The following URGCP variants were observed in gnomAD, a reference collection of about 807,000 sequenced individuals.
URGCP encodes the protein upregulator of cell proliferation.
A neutral mutation model predicts 24.6 loss-of-function variants in URGCP; 13 were observed. That is an observed-to-expected ratio of 0.53 (90% confidence interval 0.34 to 0.84). The LOEUF is 0.84. URGCP is among the 40% of genes least tolerant of loss of function. The pLI, the probability that URGCP is intolerant of heterozygous loss-of-function variation, is 0.01. For missense variants in URGCP, 899 were observed against 1,194.3 expected (o/e 0.75, Z 3.64); for synonymous variants, 444 against 487.2 (o/e 0.91, Z 1.17).
upstream of URGCP, among the ~76,000 whole-genome samples, chr7:43,908,766 A>G (rs1349986704): frequency 6.6e-6 from 1 of 152,166 alleles, no homozygotes. Context: ...GATGGTCTAC[A>G]AGCTTCTGAA....
chr7:43,900,040 G>C (rs1006547493), intron 1 of URGCP, among the ~76,000 whole-genome samples: 1 of 152,102 alleles, frequency 6.6e-6, no homozygotes, highest in African/African-American at 2.4e-5. Flanking sequence ...AGCTACTCAG[G>C]AGGCTGAGGC....
intron 1 of URGCP, among the ~76,000 whole-genome samples, chr7:43,896,755 A>G (rs1167416764): frequency 6.6e-6 from 1 of 152,232 alleles, no homozygotes; most frequent in Admixed American, 6.5e-5. Flanking sequence ...ATACTAACCT[A>G]TAAAATGAGG....
chr7:43,879,212 G>C lies in URGCP; in HGVS notation c.251C>G (p.Thr84Arg), dbSNP rs768794584. 1 of 1,613,342 alleles carries C rather than the reference G, an allele frequency of 6.2e-7. No homozygotes were observed. The highest frequency in any genetic ancestry group is 8.5e-7 in the Non-Finnish European group (1 of 1,179,990). Residue 84 changes from threonine (T) to arginine (R), a missense_variant, in exon 6 of 6, where the codon ACG becomes AGG. Physicochemically the swap from Thr to Arg is moderately conservative, Grantham distance 71. Transcript: ENST00000453200. ...GAGGCTGAGTTTCTGGACCTGGTAC[G>C]TCTCTAGGCCCAAAAGTGACAGCAT... ...QEMLSLLGLETYQVQKLSLQD... is the reference protein window; with the variant it reads ...QEMLSLLGLERYQVQKLSLQD...
At chr7:43,886,255 T>C (rs902045035) in intron 3 of URGCP, among the ~76,000 whole-genome samples, 8 of 152,236 alleles carry the variant, frequency 5.3e-5, no homozygotes, top group African/African-American at 2.4e-5. Flanking sequence ...CCCAAAGTAC[T>C]GGGATTACAG....
intron 1 of URGCP, among the ~76,000 whole-genome samples, chr7:43,890,773 CTGGTTTGT>C (rs1275154532): frequency 6.6e-6 from 1 of 152,194 alleles, no homozygotes; most frequent in East Asian, 1.9e-4. Flanking sequence ...AGTGGACGGG[CTGGTTTGT>C]TGTCTGGCAG....
chr7:43,896,102 G>A (rs867941505), intron 1 of URGCP, among the ~76,000 whole-genome samples: 8 of 152,326 alleles, frequency 5.3e-5, no homozygotes, highest in Middle Eastern at 6.8e-3. Flanking sequence ...CTCATTCACA[G>A]GTGGGAGCTA....
intron 1 of URGCP, chr7:43,919,884 G>A: frequency 7.7e-7 from 1 of 1,302,070 alleles, no homozygotes; most frequent in Non-Finnish European, 1.1e-6. Context: ...TCGCCAATAT[G>A]ACAAGCTGCG....
intron 1 of URGCP, among the ~76,000 whole-genome samples, chr7:43,923,892 GAC>G (rs1392365704): frequency 6.7e-6 from 1 of 150,252 alleles, no homozygotes; most frequent in African/African-American, 2.5e-5. Flanking sequence ...TTTTTTTTGA[GAC>G]ACAGTCTCGC....
intron 1 of URGCP, among the ~76,000 whole-genome samples, chr7:43,923,103 C>CCT (rs2095924431): frequency 6.6e-6 from 1 of 151,876 alleles, no homozygotes; most frequent in South Asian, 2.1e-4. Flanking sequence ...CCTGCTTCAG[C>CCT]CTCCCAACTG....
intron 5 of URGCP, 31 bp downstream of exon 5, chr7:43,881,628 A>T (rs762683428): frequency 6.2e-7 from 1 of 1,614,124 alleles, no homozygotes; most frequent in Admixed American, 1.7e-5. Context: ...CCTTTCATAG[A>T]ACAGAGAGAA....
In URGCP at chr7:43,876,600, C is replaced by G; in HGVS notation, c.*67G>C. 6.5e-7 allele frequency: 1 copy of G among 1,534,054 alleles called. No individual in the cohort carries two copies. The highest frequency in any genetic ancestry group is 8.9e-7 in the Non-Finnish European group (1 of 1,129,570). On this transcript the variant is annotated 3_prime_UTR_variant, in exon 6 of 6. Coordinates refer to ENST00000453200, the MANE Select transcript of URGCP (RefSeq NM_001077663.3). Reference sequence around the variant, plus strand: ...TCAGGCACCAGAGCACAGCCCCACACGGGTGCCCCATCAGACAGGGCTGCC... The same window carrying G: ...TCAGGCACCAGAGCACAGCCCCACAGGGGTGCCCCATCAGACAGGGCTGCC...
chr7:43,887,699 G>T, intron 2 of URGCP, 91 bp downstream of exon 2: 1 of 1,518,992 alleles, frequency 6.6e-7, no homozygotes, highest in South Asian at 1.3e-5. Flanking sequence ...ACCCACAGTT[G>T]AGAAACACTG....
Position 43,882,328 on chromosome 7 carries a change from A to G in URGCP, c.113-371T>C, listed in dbSNP as rs2095855173. On this transcript the variant is annotated intron_variant, in intron 3 of 5. Coordinates refer to ENST00000453200, the MANE Select transcript of URGCP (RefSeq NM_001077663.3). ...CGTGGTGGCGCATGCCTGTAATTCC[A>G]GCTTGGAATTACTTGGGAGGCTGAG... 3.3e-5 allele frequency among the ~76,000 whole-genome samples: 5 copies of G among 152,210 alleles called. No homozygotes were observed. In the South Asian group the frequency reaches 1.0e-3, roughly 32 times the overall value.
intron 5 of URGCP, among the ~76,000 whole-genome samples, chr7:43,880,307 A>G (rs565627188): frequency 7.9e-5 from 12 of 152,342 alleles, no homozygotes; most frequent in African/African-American, 2.9e-4. Flanking sequence ...AGATACTCAA[A>G]TATCACCCTA....
intron 1 of URGCP, among the ~76,000 whole-genome samples, chr7:43,903,779 T>C (rs2095895976): frequency 6.6e-6 from 1 of 152,180 alleles, no homozygotes; most frequent in Admixed American, 6.5e-5. Context: ...CCATGAATCA[T>C]GGAGCCTAAG....
chr7:43,897,501 TAGG>T (rs1279475857), intron 1 of URGCP, among the ~76,000 whole-genome samples: 2 of 150,914 alleles, frequency 1.3e-5, no homozygotes, highest in African/African-American at 2.4e-5. Context: ...GATCAGTGAG[TAGG>T]AGAAGGCAGC....
At chr7:43,911,283 C>T (rs917973700), upstream of URGCP, among the ~76,000 whole-genome samples, 1 of 151,778 alleles carries the variant, frequency 6.6e-6, no homozygotes, top group African/African-American at 2.4e-5. Context: ...CACCTATAAT[C>T]CCAGCTACTC....
At chr7:43,906,426 C>A (rs1008112006) in intron 1 of URGCP, 136 bp downstream of exon 1, 2 of 970,764 alleles carry the variant, frequency 2.1e-6, no homozygotes, top group African/African-American at 3.5e-5. Flanking sequence ...GCCTGGTGGG[C>A]CTGGCGGGCG....
intron 1 of URGCP, among the ~76,000 whole-genome samples, chr7:43,890,339 C>A (rs1317842089): frequency 6.6e-6 from 1 of 151,664 alleles, no homozygotes; most frequent in African/African-American, 2.4e-5. Context: ...TTCAGCCTCC[C>A]GAGTAGCTGG....
Sources: allele counts gnomAD v4.1 joint callset (sites outside exome capture counted in the v4.1 genomes callset), GRCh38; gene constraint gnomAD v4.1.1; transcripts MANE v1.5; gene names NCBI Gene and HGNC (gene_info 2026-07-23, HGNC 2026-07-21).